B4GALNT3: variants seen among roughly 807,000 people sequenced by gnomAD.
The protein encoded by B4GALNT3 is beta-1,4-N-acetylgalactosaminyltransferase 3.
Under a neutral mutation model 120.2 loss-of-function variants are expected in B4GALNT3, and 86 were observed. The ratio of observed to expected loss-of-function variants is 0.72; its 90% CI spans 0.60 to 0.86. The LOEUF (loss-of-function observed/expected upper bound fraction) is 0.86, where lower values mean the gene tolerates loss of function less well. Ranked by LOEUF, B4GALNT3 falls within the 40% of genes least tolerant of loss-of-function variation. The pLI, the probability that B4GALNT3 is intolerant of heterozygous loss-of-function variation, is 0.00. For synonymous variants in B4GALNT3, 518 were observed against 510.4 expected, an observed-to-expected ratio of 1.01 and a Z score of -0.20; for missense variants, 1,167 against 1,298.9, an observed-to-expected ratio of 0.90 and a Z score of 1.56.
chr12:557,996 C>G lies in B4GALNT3; in HGVS notation c.2535-20C>G. On this transcript the variant is annotated intron_variant, in intron 16 of 19. Transcript: ENST00000266383. ...CCGCAGCTGAGTCCTGATACGCAGC[C>G]CTCTCTCCCCTTCCTGCAGCTACCA... 1 of 1,613,380 alleles carries G rather than the reference C, an allele frequency of 6.2e-7. No homozygotes were observed.
chr12:477,135 A>G (rs1250327455), intron 1 of B4GALNT3, among the ~76,000 whole-genome samples: 1 of 152,144 alleles, frequency 6.6e-6, no homozygotes, highest in Non-Finnish European at 1.5e-5. Context: ...TGCCTAGACT[A>G]TTGTTTACAA....
At position 563,192 on chromosome 12, in the gene B4GALNT3, T is replaced by A. The variant is rs1947249851; in HGVS notation, c.*1741T>A. 1.3e-5 allele frequency: 2 copies of A among 152,466 alleles called. No individual in the cohort carries two copies. Among genetic ancestry groups the A allele is most frequent in the African/African-American group, 4.8e-5 (2 of 41,466 alleles). The allele number at this position is 152,466 out of a possible 1,614,324, so 9.4% of individuals were successfully genotyped here. On this transcript the variant is annotated 3_prime_UTR_variant, in exon 20 of 20. Transcript: ENST00000266383. ...AGGATGGTGGGGCATAGGCTAGGGCTGCAGTTGGCCAGTGGGGCTGCCAGT... is the reference window on the plus strand; with the variant it reads ...AGGATGGTGGGGCATAGGCTAGGGCAGCAGTTGGCCAGTGGGGCTGCCAGT...
chr12:552,955 C>G (rs1947102293), intron 13 of B4GALNT3: 1 of 579,170 alleles, frequency 1.7e-6, no homozygotes, highest in South Asian at 2.2e-5. Context: ...GTTTATCTCA[C>G]TCAGTCTTCA....
Position 493,845 on chromosome 12 carries a change from C to T in B4GALNT3, c.169+33300C>T, listed in dbSNP as rs140451326. Among the ~76,000 whole-genome samples, 612 of 152,212 alleles carry T rather than the reference C, an allele frequency of 4.0e-3. 4 individuals carry two copies. The highest frequency in any genetic ancestry group is 0.014 in the African/African-American group (586 of 41,528). On this transcript the variant is annotated intron_variant, in intron 1 of 19. Coordinates refer to ENST00000266383, the MANE Select transcript of B4GALNT3 (RefSeq NM_173593.4). ...GGTAGGGGGTGAGTTTTATTAATAT[C>T]CTGGAAATTGATCACCCAATCAGCA...
At chr12:530,980 A>G (rs938436271) in intron 1 of B4GALNT3, among the ~76,000 whole-genome samples, 18 of 152,156 alleles carry the variant, frequency 1.2e-4, no homozygotes, top group African/African-American at 3.9e-4. Flanking sequence ...GTTGTAGCAG[A>G]AACAGGCCCT....
chr12:531,058 C>T lies in B4GALNT3; in HGVS notation c.170-4108C>T, dbSNP rs558640703. Reference sequence around the variant, plus strand: ...AGGAGTTCGCTTACCAGAGGGTAAGCGACAAATGTCAGTAGTTAAATCAGC... The same window carrying T: ...AGGAGTTCGCTTACCAGAGGGTAAGTGACAAATGTCAGTAGTTAAATCAGC... On this transcript the variant is annotated intron_variant, in intron 1 of 19. Coordinates refer to ENST00000266383, the MANE Select transcript of B4GALNT3 (RefSeq NM_173593.4). 3.3e-5 allele frequency among the ~76,000 whole-genome samples: 5 copies of T among 152,224 alleles called. No individual in the cohort carries two copies. The East Asian group carries it at 5.8e-4, about 18-fold the overall frequency.
intron 1 of B4GALNT3, among the ~76,000 whole-genome samples, chr12:479,478 C>G (rs1233937139): frequency 6.6e-6 from 1 of 152,166 alleles, no homozygotes; most frequent in East Asian, 1.9e-4. Context: ...AGGGGATATA[C>G]TTAGGGGACC....
At chr12:512,638 T>C (rs1946600069) in intron 1 of B4GALNT3, among the ~76,000 whole-genome samples, 2 of 121,348 alleles carry the variant, frequency 1.6e-5, no homozygotes, top group Admixed American at 8.1e-5. Context: ...CCTTCCGCCT[T>C]CCACCTTCCA....
chr12:538,578 A>AG (rs923766748), intron 3 of B4GALNT3, among the ~76,000 whole-genome samples: 3 of 151,792 alleles, frequency 2.0e-5, no homozygotes, highest in African/African-American at 7.3e-5. Context: ...AAAAAAAAAA[A>AG]AAAGAAATAT....
Position 460,011 on chromosome 12 carries a change from C to A in B4GALNT3, c.-366C>A, listed in dbSNP as rs1269886454. On this transcript the variant is annotated 5_prime_UTR_variant, in exon 1 of 20. Coordinates refer to ENST00000266383, the MANE Select transcript of B4GALNT3 (RefSeq NM_173593.4). This position sits in a 1 kb window ranked among gnomAD's most constrained non-coding sequence, Gnocchi z 8.0. ...TGGCGGGGGCGCGGGCGGAGGCAGGCGGGCGGGCGCCGGGGAAGCCTCCTT... is the reference window on the plus strand; with the variant it reads ...TGGCGGGGGCGCGGGCGGAGGCAGGAGGGCGGGCGCCGGGGAAGCCTCCTT... Among the ~76,000 whole-genome samples, 2 of 148,954 alleles carry A rather than the reference C, an allele frequency of 1.3e-5. No individual in the cohort carries two copies. Among genetic ancestry groups the A allele is most frequent in the African/African-American group, 4.9e-5 (2 of 40,648 alleles).
chr12:551,136 C>G (rs1947078029), intron 11 of B4GALNT3, 105 bp downstream of exon 11: 2 of 995,960 alleles, frequency 2.0e-6, no homozygotes, highest in Non-Finnish European at 3.0e-6. Flanking sequence ...TCCCAACATC[C>G]CATCCCAGCA....
Position 548,047 on chromosome 12 carries a change from A to C in B4GALNT3, c.731A>C (p.Tyr244Ser). Residue 244 changes from tyrosine (Y) to serine (S), a missense_variant, in exon 8 of 20, where the codon TAC becomes TCC. Physicochemically the swap from Tyr to Ser is moderately radical, Grantham distance 144. Around this residue, in one of 3 missense-constraint regions of B4GALNT3, gnomAD observed 983 missense variants for 1,102.5 expected, o/e 0.89. Transcript: ENST00000266383. The surrounding 1 kb of genome is among the most constrained non-coding windows in gnomAD (Gnocchi z 4.9). ...AGCCTGTCAGCCTCCCACAGGTACT[A>C]CTTCGAGGTGCTGCACAAGCAGAAT... ...PVSLSASHRY[Y>S]FEVLHKQNEE... 3 of 1,613,788 alleles carry C rather than the reference A, an allele frequency of 1.9e-6. No individual in the cohort carries two copies. The highest frequency in any genetic ancestry group is 2.5e-6 in the Non-Finnish European group (3 of 1,179,980).
intron 7 of B4GALNT3, among the ~76,000 whole-genome samples, chr12:547,492 A>G (rs1446472750): frequency 2.0e-5 from 3 of 152,120 alleles, no homozygotes; most frequent in Non-Finnish European, 2.9e-5. Flanking sequence ...ATAAAAATAA[A>G]TTTTAAAATT....
At chr12:526,049 A>G (rs897750514) in intron 1 of B4GALNT3, among the ~76,000 whole-genome samples, 2 of 152,142 alleles carry the variant, frequency 1.3e-5, no homozygotes, top group Admixed American at 6.5e-5. Context: ...TGTTTGCATA[A>G]TGCAGAACTG....
intron 1 of B4GALNT3, among the ~76,000 whole-genome samples, chr12:511,608 C>T (rs1946562846): frequency 1.5e-5 from 2 of 131,372 alleles, no homozygotes; most frequent in Admixed American, 7.6e-5. Flanking sequence ...CTTCCACCTT[C>T]GACCTTCTTC....
intron 1 of B4GALNT3, among the ~76,000 whole-genome samples, chr12:466,937 G>T (rs1482619233): frequency 6.6e-6 from 1 of 151,748 alleles, no homozygotes; most frequent in African/African-American, 2.4e-5. Flanking sequence ...ACCTGTGTTG[G>T]GAGCACCACG....
chr12:469,919 T>G (rs1156246112), intron 1 of B4GALNT3, among the ~76,000 whole-genome samples: 3 of 152,208 alleles, frequency 2.0e-5, no homozygotes, highest in Non-Finnish European at 4.4e-5. Flanking sequence ...TCCAAAGTGC[T>G]GAGATTACAG....
rs531244410 is a variant in B4GALNT3 at position 555,611 on chromosome 12, A to G, written c.2061-936A>G. Among the ~76,000 whole-genome samples the G allele has an allele frequency of 1.1e-4, 17 of 152,232 alleles. No homozygotes were observed. The South Asian group carries it at 3.3e-3, about 30-fold the overall frequency. ...TCTTGGGTATATATCTAGGAGTAGA[A>G]CTTCTGGGTCATATGGTAACTCTGT... On this transcript the variant is annotated intron_variant, in intron 14 of 19. Transcript: ENST00000266383.
At chr12:490,823 TCA>T (rs1444509031) in intron 1 of B4GALNT3, among the ~76,000 whole-genome samples, 1 of 152,040 alleles carries the variant, frequency 6.6e-6, no homozygotes, top group Non-Finnish European at 1.5e-5. Context: ...CTGCCAAAAC[TCA>T]CACAAGAAGA....
Sources: gnomAD v4.1 joint callset for allele counts (sites outside exome capture counted in the v4.1 genomes callset) on GRCh38, gnomAD v4.1.1 for gene constraint, gnomAD v4.1.1 regional missense constraint, Gnocchi (gnomAD v3.1) non-coding constraint, MANE v1.5 for transcripts, NCBI Gene and HGNC (gene_info 2026-07-23, HGNC 2026-07-21) for gene names.